Variants in CAMTA1 observed in about 807,000 individuals in gnomAD.
The protein encoded by CAMTA1 is calmodulin binding transcription activator 1.
Under a neutral mutation model 170.9 loss-of-function variants are expected in CAMTA1, and 27 were observed. The observed-to-expected ratio is 0.16, with a 90% CI of 0.12 to 0.22. The LOEUF is 0.22. Among genes scored for constraint, CAMTA1 ranks in the 10% least tolerant of loss-of-function variants. The pLI is 1.00. For missense variants in CAMTA1, 1,619 were observed against 2,217.2 expected, an observed-to-expected ratio of 0.73 and a Z score of 5.42; for synonymous variants, 833 against 891.5, an observed-to-expected ratio of 0.93 and a Z score of 1.17.
intron 3 of CAMTA1, among the ~76,000 whole-genome samples, chr1:7,062,627 C>A (rs1708393341): frequency 6.7e-6 from 1 of 150,150 alleles, no homozygotes; most frequent in Non-Finnish European, 1.5e-5. Context: ...GGTGTGGGGG[C>A]TGCAGAAGAC....
At position 7,764,954 on chromosome 1, in the gene CAMTA1, C is replaced by T. The variant is rs150084614; in HGVS notation, c.4990-1505C>T. Among the ~76,000 whole-genome samples, 40 of 149,684 alleles carry T rather than the reference C, an allele frequency of 2.7e-4. 1 individual carries two copies. The highest frequency in any genetic ancestry group is 7.9e-4 in the African/African-American group (32 of 40,594). On this transcript the variant is annotated intron_variant, in intron 22 of 22. Coordinates refer to ENST00000303635, the MANE Select transcript of CAMTA1 (RefSeq NM_015215.4). Reference sequence around the variant, plus strand: ...CAGCCTGGGCAACAGAGTTAGACTCCGTCTCAAAAAAAAAAAAAAGTTTTA... The same window carrying T: ...CAGCCTGGGCAACAGAGTTAGACTCTGTCTCAAAAAAAAAAAAAAGTTTTA...
intron 6 of CAMTA1, among the ~76,000 whole-genome samples, chr1:7,537,960 C>T (rs986573262): frequency 1.3e-5 from 2 of 152,196 alleles, no homozygotes; most frequent in Non-Finnish European, 2.9e-5. Context: ...ACAGTCTTTC[C>T]TCCTGTCTGA....
intron 6 of CAMTA1, among the ~76,000 whole-genome samples, chr1:7,625,910 T>TAA (rs1332598591): frequency 6.6e-6 from 1 of 152,190 alleles, no homozygotes; most frequent in East Asian, 1.9e-4. Flanking sequence ...GGCTTACAGG[T>TAA]TATCAGCGAG....
chr1:7,036,702 C>G (rs558610910), intron 3 of CAMTA1, among the ~76,000 whole-genome samples: 2 of 152,332 alleles, frequency 1.3e-5, no homozygotes, highest in African/African-American at 4.8e-5. Context: ...TCTCTTTCAG[C>G]TCTTCTTCCA....
intron 4 of CAMTA1, among the ~76,000 whole-genome samples, chr1:7,174,710 C>T (rs970878656): frequency 2.0e-5 from 3 of 152,190 alleles, no homozygotes; most frequent in Non-Finnish European, 4.4e-5. Flanking sequence ...AGGCCGTGGA[C>T]GAGCAGGAGG....
In CAMTA1 at chr1:7,010,553, C is replaced by T. The variant is rs900202457; in HGVS notation, c.235-80751C>T. ...GGTGGAAAGACCTGAGTTCAAATCTCGGACCCACTACTGACCAGCTGGGTG... is the reference window on the plus strand; with the variant it reads ...GGTGGAAAGACCTGAGTTCAAATCTTGGACCCACTACTGACCAGCTGGGTG... On this transcript the variant is annotated intron_variant, in intron 3 of 22. Transcript: ENST00000303635. The surrounding 1 kb of genome is among the most constrained non-coding windows in gnomAD (Gnocchi z 4.4). 1.9e-4 allele frequency among the ~76,000 whole-genome samples: 29 copies of T among 152,296 alleles called. No individual in the cohort carries two copies. Among genetic ancestry groups the T allele is most frequent in the African/African-American group, 5.8e-4 (24 of 41,558 alleles).
At chr1:7,572,132 T>C (rs2095133172) in intron 6 of CAMTA1, among the ~76,000 whole-genome samples, 1 of 152,272 alleles carries the variant, frequency 6.6e-6, no homozygotes, top group African/African-American at 2.4e-5. Context: ...CGCATGTATG[T>C]CTTCTTTTGA....
chr1:7,633,398 G>A lies in CAMTA1; in HGVS notation c.511-7002G>A, dbSNP rs558651356. Among the ~76,000 whole-genome samples the A allele has an allele frequency of 1.2e-4, 19 of 152,162 alleles. No homozygotes were observed. The highest frequency in any genetic ancestry group is 1.9e-4 in the Non-Finnish European group (13 of 68,014). On this transcript the variant is annotated intron_variant, in intron 6 of 22. Transcript: ENST00000303635. The surrounding 1 kb of genome is among the most constrained non-coding windows in gnomAD (Gnocchi z 4.1). ...AGAGCTGCAGAGGGGCAGAGAGCTC[G>A]TGGACCCCCCCAGATGCCACCCCTC...
At chr1:7,310,602 T>TCTTTC (rs36137004) in intron 5 of CAMTA1, among the ~76,000 whole-genome samples, 11 of 6,066 alleles carry the variant, frequency 1.8e-3, no homozygotes, top group Middle Eastern at 0.056. Flanking sequence ...TTCTTTTCTT[T>TCTTTC]TCTTTCTTTC....
chr1:7,729,749 G>A (rs994103542), intron 11 of CAMTA1, among the ~76,000 whole-genome samples: 2 of 152,230 alleles, frequency 1.3e-5, no homozygotes, highest in African/African-American at 2.4e-5. Context: ...CTCACGTGAT[G>A]GTTGTGAAGA....
intron 5 of CAMTA1, among the ~76,000 whole-genome samples, chr1:7,439,023 C>T (rs2092436476): frequency 6.6e-6 from 1 of 152,174 alleles, no homozygotes; most frequent in Admixed American, 6.5e-5. Flanking sequence ...CTCGTGCTGG[C>T]TCTGAGAGGG....
At chr1:6,995,985 G>T (rs1014954052) in intron 3 of CAMTA1, among the ~76,000 whole-genome samples, 2 of 152,222 alleles carry the variant, frequency 1.3e-5, no homozygotes, top group African/African-American at 4.8e-5. Context: ...ATGAGTGAGA[G>T]CTCACCAAGG....
chr1:7,307,909 G>A (rs937872639), intron 5 of CAMTA1, among the ~76,000 whole-genome samples: 15 of 152,144 alleles, frequency 9.9e-5, no homozygotes, highest in African/African-American at 3.6e-4. Context: ...TTCTGGAAGA[G>A]TTTGTGTAAA....
chr1:7,189,250 A>G (rs936938383), intron 4 of CAMTA1, among the ~76,000 whole-genome samples: 2 of 152,238 alleles, frequency 1.3e-5, no homozygotes, highest in African/African-American at 4.8e-5. Flanking sequence ...TAAATAATGT[A>G]TGCCACACAG....
At chr1:7,421,934 T>C (rs1255601926) in intron 5 of CAMTA1, among the ~76,000 whole-genome samples, 7 of 151,732 alleles carry the variant, frequency 4.6e-5, no homozygotes, top group Non-Finnish European at 1.0e-4. Flanking sequence ...GCATCTGTGC[T>C]GTGCATCTGC....
intron 5 of CAMTA1, among the ~76,000 whole-genome samples, chr1:7,285,366 T>C (rs541426032): frequency 2.0e-5 from 3 of 152,338 alleles, no homozygotes; most frequent in Admixed American, 2.0e-4. Context: ...TGGGTGGCGC[T>C]GATGCACCTT....
intron 4 of CAMTA1, among the ~76,000 whole-genome samples, chr1:7,221,675 AT>A (rs1245472197): frequency 6.6e-6 from 1 of 152,140 alleles, no homozygotes; most frequent in Non-Finnish European, 1.5e-5. Flanking sequence ...ACAGTGCTGA[AT>A]TACAGTCTCA....
chr1:7,388,932 C>T (rs577320955), intron 5 of CAMTA1, among the ~76,000 whole-genome samples: 1 of 152,332 alleles, frequency 6.6e-6, no homozygotes, highest in South Asian at 2.1e-4. Flanking sequence ...GGTCTCCCCA[C>T]CAGACCGAGC....
intron 5 of CAMTA1, among the ~76,000 whole-genome samples, chr1:7,403,021 A>G (rs1439743602): frequency 1.3e-5 from 2 of 152,186 alleles, no homozygotes; most frequent in Non-Finnish European, 2.9e-5. Flanking sequence ...TGTGCCAGGC[A>G]CTGTGCTAGC....
Sources: allele counts gnomAD v4.1 joint callset (sites outside exome capture counted in the v4.1 genomes callset), GRCh38; gene constraint gnomAD v4.1.1; non-coding constraint Gnocchi (gnomAD v3.1); transcripts MANE v1.5; gene names NCBI Gene and HGNC (gene_info 2026-07-23, HGNC 2026-07-21).